Variants in ABHD14A observed in about 807,000 individuals in gnomAD.
ABHD14A encodes protein ABHD14A.
Under a neutral mutation model 27.0 loss-of-function variants are expected in ABHD14A, and 19 were observed. The observed-to-expected ratio is 0.70, with a 90% CI of 0.49 to 1.03. ABHD14A has a LOEUF of 1.03. Among genes scored for constraint, ABHD14A ranks in the 50% least tolerant of loss-of-function variants. The pLI is 0.00. For missense variants in ABHD14A, 311 were observed against 344.6 expected (o/e 0.90, Z 0.77); for synonymous variants, 148 against 158.8 (o/e 0.93, Z 0.51).
intron 3 of ABHD14A, chr3:51,980,124 G>A (rs1023037992): frequency 6.0e-5 from 29 of 480,650 alleles, no homozygotes; most frequent in East Asian, 2.4e-4. Context: ...GAGTTTCACC[G>A]TGTTAGCCAG....
chr3:51,980,589 C>T lies in ABHD14A; in HGVS notation c.594C>T (p.Ser198=). 6.2e-7 allele frequency: 1 copy of T among 1,614,044 alleles called. No individual in the cohort carries two copies. The highest frequency in any genetic ancestry group is 8.5e-7 in the Non-Finnish European group (1 of 1,180,022). Residue 198 remains serine, a synonymous_variant, in exon 4 of 5, where the codon TCC becomes TCT. Coordinates refer to ENST00000273596, the MANE Select transcript of ABHD14A (RefSeq NM_015407.5). Reference sequence around the variant, plus strand: ...GATTTGTGCCCATCGCACCCACCTCCACCCAGAACTACACCCAGGAGCAAT... The same window carrying T: ...GATTTGTGCCCATCGCACCCACCTCTACCCAGAACTACACCCAGGAGCAAT... ...LHGFVPIAPT[S]TQNYTQEQFW... is the part of the protein sequence containing the mutation.
At chr3:51,975,572 T>G (rs1394710808) in intron 1 of ABHD14A, among the ~76,000 whole-genome samples, 1 of 151,502 alleles carries the variant, frequency 6.6e-6, no homozygotes, top group Non-Finnish European at 1.5e-5. Flanking sequence ...CGTGTGTGCA[T>G]TTCTGGGGGT....
rs374355718 is a variant in ABHD14A, at chr3:51,981,033, A to G, written c.*15A>G. The G allele has an allele frequency of 8.1e-6, 13 of 1,599,090 alleles. No individual in the cohort carries two copies. The Admixed American group carries it at 1.7e-4, about 21-fold the overall frequency. On this transcript the variant is annotated 3_prime_UTR_variant, in exon 5 of 5. Transcript: ENST00000273596. ...ATCTACCTTGAACTAACCCACTCCC[A>G]GCTCCCAGCCTGGCATGAGCTTGGA... is the stretch of plus-strand genomic sequence containing the variant.
chr3:51,979,047 G>C, intron 3 of ABHD14A: 1 of 200,078 alleles, frequency 5.0e-6, no homozygotes, highest in South Asian at 5.4e-5. Flanking sequence ...AGAGACTGGT[G>C]CCGCATTTCT....
chr3:51,979,218 A>G (rs1360364990), intron 3 of ABHD14A, among the ~76,000 whole-genome samples: 1 of 152,134 alleles, frequency 6.6e-6, no homozygotes, highest in African/African-American at 2.4e-5. Context: ...CTCCCCCTAC[A>G]TCATGTCTCA....
At chr3:51,979,064 C>T in intron 3 of ABHD14A, 2 of 192,584 alleles carry the variant, frequency 1.0e-5, no homozygotes, top group South Asian at 6.0e-5. Context: ...TTCTCTCCCT[C>T]TCTAAGAAGT....
intron 3 of ABHD14A, among the ~76,000 whole-genome samples, chr3:51,979,734 G>A (rs934470046): frequency 2.6e-5 from 4 of 151,612 alleles, no homozygotes; most frequent in East Asian, 1.9e-4. Context: ...CCGCCACCTC[G>A]GCCTCCCAAA....
At position 51,980,113 on chromosome 3, in the gene ABHD14A, G is replaced by C; in HGVS notation, c.398-280G>C. 3 of 443,374 alleles carry C rather than the reference G, an allele frequency of 6.8e-6. No individual in the cohort carries two copies. In the Admixed American group the frequency reaches 8.4e-5, roughly 12 times the overall value. The allele number at this position is 443,374 out of a possible 1,614,324, so 27.5% of individuals were successfully genotyped here. A position where few individuals can be genotyped will look rare whatever the true frequency, so the allele number is the denominator to read the frequency against. ...AATTTTTTGTATTTTTAGTAGAGAC[G>C]GAGTTTCACCGTGTTAGCCAGGATG... On this transcript the variant is annotated intron_variant, in intron 3 of 4. Transcript: ENST00000273596.
Position 51,981,125 on chromosome 3 carries a change from G to A in ABHD14A, c.*107G>A. 1 of 1,255,710 alleles carries A rather than the reference G, an allele frequency of 8.0e-7. No homozygotes were observed. The highest frequency in any genetic ancestry group is 1.1e-6 in the Non-Finnish European group (1 of 896,642). 77.8% of individuals were successfully genotyped at this position (1,255,710 alleles called of 1,614,324 possible). A position where few individuals can be genotyped will look rare whatever the true frequency, so the allele number is the denominator to read the frequency against. The stretch of plus-strand genomic sequence containing the variant: ...CTGGGATTGGAGGCCAGAGGCCAGG[G>A]TCAGACCCAGCCAGGACTCCTCATT... On this transcript the variant is annotated 3_prime_UTR_variant, in exon 5 of 5. Transcript: ENST00000273596.
At position 51,981,103 on chromosome 3, in the gene ABHD14A, G is replaced by C; in HGVS notation, c.*85G>C. On this transcript the variant is annotated 3_prime_UTR_variant, in exon 5 of 5. Coordinates refer to ENST00000273596, the MANE Select transcript of ABHD14A (RefSeq NM_015407.5). ...CCCTGAACCAGGGAGACAGCCTCTG[G>C]GATTGGAGGCCAGAGGCCAGGGTCA... 4.7e-6 allele frequency: 7 copies of C among 1,490,228 alleles called. No homozygotes were observed. Among genetic ancestry groups the C allele is most frequent in the Non-Finnish European group, 6.4e-6 (7 of 1,091,804 alleles). 92.3% of individuals were successfully genotyped at this position (1,490,228 alleles called of 1,614,324 possible).
chr3:51,975,146 C>T lies in ABHD14A; in HGVS notation c.11C>T (p.Ala4Val). 7.7e-7 allele frequency: 1 copy of T among 1,290,448 alleles called. No homozygotes were observed. The highest frequency in any genetic ancestry group is 9.8e-7 in the Non-Finnish European group (1 of 1,018,844). The allele number at this position is 1,290,448 out of a possible 1,614,324, so 79.9% of individuals were successfully genotyped here. A position where few individuals can be genotyped will look rare whatever the true frequency, so the allele number is the denominator to read the frequency against. Residue 4 changes from alanine to valine, a missense_variant, in exon 1 of 5, where the codon GCG becomes GTG. Ala to Val is a moderately conservative substitution (Grantham distance 64). Transcript: ENST00000273596. Reference protein sequence around the residue: MVGALCGCWFRLGG... With the variant: MVGVLCGCWFRLGG... ...GCTGCGGAGGCAGCCATGGTCGGGG[C>T]GCTGTGCGGCTGCTGGTTCCGCCTG...
Position 51,981,000 on chromosome 3 carries a change from C to A in ABHD14A, c.798C>A (p.Phe266Leu), listed in dbSNP as rs765323195. ...ACTTCCACCTTGTCCTGCTTGCCTT[C>A]CTTGACCATCTACCTTGAACTAACC... is the stretch of plus-strand genomic sequence containing the variant. ...PQDFHLVLLA[F>L]LDHLP Residue 266 changes from phenylalanine to leucine, a missense_variant, in exon 5 of 5, where the codon TTC (phenylalanine) becomes TTA (leucine). Transcript: ENST00000273596. 2 of 1,612,874 alleles carry A rather than the reference C, an allele frequency of 1.2e-6. No individual in the cohort carries two copies. The highest frequency in any genetic ancestry group is 1.7e-5 in the Admixed American group (1 of 59,992).
At chr3:51,980,661 C>A in intron 4 of ABHD14A, 33 bp downstream of exon 4, 1 of 1,601,172 alleles carries the variant, frequency 6.2e-7, no homozygotes. Flanking sequence ...GGTCCTGGCA[C>A]CCTGTCTGTG....
At chr3:51,976,750 G>T (rs1260446298) in intron 1 of ABHD14A, among the ~76,000 whole-genome samples, 1 of 152,172 alleles carries the variant, frequency 6.6e-6, no homozygotes, top group Non-Finnish European at 1.5e-5. Flanking sequence ...CTAGGCCCAA[G>T]AAATGACAGG....
intron 3 of ABHD14A, chr3:51,978,799 C>T: frequency 4.6e-6 from 1 of 215,852 alleles, no homozygotes; most frequent in Non-Finnish European, 9.9e-6. Flanking sequence ...ACCATGCTGG[C>T]CAGGCTGGTC....
chr3:51,978,112 G>A (rs1489092770), intron 2 of ABHD14A, 30 bp downstream of exon 2: 3 of 1,600,996 alleles, frequency 1.9e-6, no homozygotes, highest in African/African-American at 2.7e-5. Context: ...TCTAGTGGAG[G>A]GACTAGGCTC....
rs1424440626 is a variant in ABHD14A, at chr3:51,977,825, T to C, written c.70-46T>C. Reference sequence around the variant, plus strand: ...TTTGGGATGGGATCCAGGGTCCTTGTAGGGACTCAGTTCCAGCCTCTTTTC... The same window carrying C: ...TTTGGGATGGGATCCAGGGTCCTTGCAGGGACTCAGTTCCAGCCTCTTTTC... On this transcript the variant is annotated intron_variant, in intron 1 of 4. Transcript: ENST00000273596. 3.9e-6 allele frequency: 6 copies of C among 1,549,784 alleles called. No individual in the cohort carries two copies. In the East Asian group the frequency reaches 6.8e-5, roughly 18 times the overall value.
chr3:51,978,205 G>A (rs1408592296), intron 2 of ABHD14A, 54 bp from the exon 3 acceptor site: 1 of 1,532,822 alleles, frequency 6.5e-7, no homozygotes, highest in African/African-American at 1.4e-5. Flanking sequence ...TAGGAATAAA[G>A]AAAGGTGGGC....
intron 2 of ABHD14A, 41 bp from the exon 3 acceptor site, chr3:51,978,218 C>T (rs1277172120): frequency 6.5e-7 from 1 of 1,536,440 alleles, no homozygotes; most frequent in East Asian, 2.5e-5. Flanking sequence ...AGGTGGGCTA[C>T]ACCAGGTTCC....
Sources: allele counts gnomAD v4.1 joint callset (sites outside exome capture counted in the v4.1 genomes callset), GRCh38; gene constraint gnomAD v4.1.1; transcripts MANE v1.5; gene names NCBI Gene and HGNC (gene_info 2026-07-23, HGNC 2026-07-21).